Variants in SPTA1 observed in about 807,000 individuals in gnomAD.
The protein encoded by SPTA1 is spectrin alpha, erythrocytic 1.
SPTA1 carries 177 observed loss-of-function variants against 324.7 expected under a neutral mutation model. The observed-to-expected ratio is 0.55, with a 90% CI of 0.48 to 0.62. The LOEUF (loss-of-function observed/expected upper bound fraction) is 0.62, where lower values mean the gene tolerates loss of function less well. Among genes scored for constraint, SPTA1 ranks in the 20% least tolerant of loss-of-function variants. The pLI, the probability that SPTA1 is intolerant of heterozygous loss-of-function variation, is 0.00. For missense variants in SPTA1, 3,162 were observed against 2,883.6 expected (o/e 1.10, Z -2.21); for synonymous variants, 1,195 against 1,041.3 (o/e 1.15, Z -2.84).
At chr1:158,674,290 T>C (rs367881988) in intron 10 of SPTA1, 39 bp downstream of exon 10, 1 of 1,560,856 alleles carries the variant, frequency 6.4e-7, no homozygotes, top group Non-Finnish European at 8.8e-7. Flanking sequence ...TGACTACATA[T>C]ATAATTGGAA....
At chr1:158,614,512 A>C in intron 48 of SPTA1, 1 of 505,318 alleles carries the variant, frequency 2.0e-6, no homozygotes. Context: ...TAGATTTTAC[A>C]TTTTCATATG....
At position 158,639,983 on chromosome 1, in the gene SPTA1, G is replaced by C. The variant is rs1651420060; in HGVS notation, c.4762C>G (p.His1588Asp). ...MKEQLEQLKE[H>D]WDHLLERTND... ...GTTCTCTCAAGCAGATGATCCCAAT[G>C]TTCCTTCAGCTGTTCCAGTTGCTCC... is the stretch of plus-strand genomic sequence containing the variant. Residue 1588 changes from histidine (H) to aspartate (D), a missense_variant, in exon 34 of 52, where the codon CAT becomes GAT. Transcript: ENST00000643759. 6.2e-7 allele frequency: 1 copy of C among 1,613,670 alleles called. No homozygotes were observed. The highest frequency in any genetic ancestry group is 8.5e-7 in the Non-Finnish European group (1 of 1,179,868).
chr1:158,669,871 G>T, intron 12 of SPTA1, 85 bp from the exon 13 acceptor site: 1 of 1,313,886 alleles, frequency 7.6e-7, no homozygotes, highest in Non-Finnish European at 1.1e-6. Context: ...GTTTAAAGAT[G>T]AAGAACAGCA....
rs1459300263 is a variant in SPTA1, at chr1:158,651,368, T to C, written c.3476A>G (p.Gln1159Arg). ...LLTPEGAQIR[Q>R]ELNSRWGSLQ... ...AGGAATGGAGGGAGCCTTAGTTACC[T>C]GCCGGATTTGAGCTCCTTCTGGTGT... Residue 1159 changes from glutamine (Q) to arginine (R), a missense_variant and splice_region_variant, in exon 24 of 52, where the codon CAG becomes CGG. Physicochemically the swap from Gln to Arg is conservative, Grantham distance 43 (BLOSUM62 1). Coordinates refer to ENST00000643759, the MANE Select transcript of SPTA1 (RefSeq NM_003126.4). 5.0e-6 allele frequency: 8 copies of C among 1,611,202 alleles called. No individual in the cohort carries two copies. Among genetic ancestry groups the C allele is most frequent in the Non-Finnish European group, 6.8e-6 (8 of 1,177,384 alleles).
rs1267632712 is a variant in SPTA1 at position 158,639,646 on chromosome 1, A to C, written c.4916T>G (p.Leu1639Trp). ...CTTGAGTAGGTTTCCTGCTGAAGCC[A>C]AGTCCCTGGCCTGATCTTTCATGGC... Reference protein sequence around the residue: ...LLAMKDQARDLASAGNLLKKH... With the variant: ...LLAMKDQARDWASAGNLLKKH... Residue 1639 changes from leucine to tryptophan, a missense_variant, in exon 35 of 52, where the codon TTG becomes TGG. Transcript: ENST00000643759. The C allele has an allele frequency of 4.3e-6, 7 of 1,613,804 alleles. No homozygotes were observed. In the South Asian group the frequency reaches 7.7e-5, roughly 18 times the overall value.
chr1:158,619,218 A>C lies in SPTA1; in HGVS notation c.6530+4T>G. The C allele has an allele frequency of 6.2e-7, 1 of 1,613,370 alleles. No homozygotes were observed. On this transcript the variant is annotated splice_donor_region_variant and intron_variant, in intron 45 of 51. Coordinates refer to ENST00000643759, the MANE Select transcript of SPTA1 (RefSeq NM_003126.4). ...GTCATGGTTTGGGATGTAGCATAGC[A>C]CACCTGGTTTCCAGGATCCATTGAA...
intron 2 of SPTA1, 147 bp from the exon 3 acceptor site, chr1:158,683,643 A>T (rs1654966543): frequency 9.6e-7 from 1 of 1,042,098 alleles, no homozygotes; most frequent in Non-Finnish European, 1.4e-6. Context: ...CACTGGCTTT[A>T]GGAAGTTTTC....
chr1:158,669,708 C>A lies in SPTA1; in HGVS notation c.1677+1G>T, dbSNP rs1653872984. 6.2e-7 allele frequency: 1 copy of A among 1,614,004 alleles called. No individual in the cohort carries two copies. Among genetic ancestry groups the A allele is most frequent in the Non-Finnish European group, 8.5e-7 (1 of 1,180,004 alleles). The stretch of plus-strand genomic sequence containing the variant: ...CAGAAGCTCTAGGCCCTTGGACATA[C>A]CCCGTCACGGATAGCCTTGATGTTC... On this transcript the variant is annotated splice_donor_variant, in intron 13 of 51. Transcript: ENST00000643759. LOFTEE classifies it high-confidence loss of function.
intron 20 of SPTA1, among the ~76,000 whole-genome samples, chr1:158,655,372 T>A (rs986664488): frequency 6.6e-6 from 1 of 152,086 alleles, no homozygotes; most frequent in Non-Finnish European, 1.5e-5. Context: ...TTTTACTTTC[T>A]GCCAATTTCA....
At chr1:158,621,442 G>A (rs1649906816) in intron 43 of SPTA1, among the ~76,000 whole-genome samples, 2 of 152,030 alleles carry the variant, frequency 1.3e-5, no homozygotes, top group Admixed American at 6.6e-5. Flanking sequence ...GATCAATACA[G>A]AGAAAATTAA....
chr1:158,651,570 C>T (rs766988068), intron 23 of SPTA1, 102 bp from the exon 24 acceptor site: 1 of 809,840 alleles, frequency 1.2e-6, no homozygotes, highest in Non-Finnish European at 2.2e-6. Context: ...TCTGCCCCTA[C>T]ATCACCGTAA....
chr1:158,626,966 C>A lies in SPTA1; in HGVS notation c.5706G>T (p.Lys1902Asn). The change falls in exon 41 of 52, where the codon AAG (lysine) becomes AAT (asparagine). Residue 1902 changes from lysine to asparagine, a missense_variant. Lys to Asn is a moderately conservative substitution (Grantham distance 94, BLOSUM62 0). Coordinates refer to ENST00000643759, the MANE Select transcript of SPTA1 (RefSeq NM_003126.4). Reference sequence around the variant, plus strand: ...GGGTCTTTTCATTCAGAGCCTCTATCTTGGAAGAAATCTCTTTGTTCTGAC... The same window carrying A: ...GGGTCTTTTCATTCAGAGCCTCTATATTGGAAGAAATCTCTTTGTTCTGAC... ...EESQNKEISS[K>N]IEALNEKTPS... is the part of the protein sequence containing the mutation. 6.2e-7 allele frequency: 1 copy of A among 1,613,864 alleles called. No individual in the cohort carries two copies. The highest frequency in any genetic ancestry group is 8.5e-7 in the Non-Finnish European group (1 of 1,179,810).
intron 16 of SPTA1, among the ~76,000 whole-genome samples, chr1:158,665,982 C>G (rs1469624036): frequency 1.3e-5 from 2 of 151,972 alleles, no homozygotes; most frequent in Non-Finnish European, 2.9e-5. Flanking sequence ...TCAATAAAGC[C>G]TTACACTAAC....
chr1:158,674,514 CCTA>C (rs776068498), intron 9 of SPTA1, 23 bp downstream of exon 9: 1 of 1,614,086 alleles, frequency 6.2e-7, no homozygotes, highest in South Asian at 1.1e-5. Flanking sequence ...GCCCCCTCCT[CCTA>C]CTGGGCAGCC....
chr1:158,672,164 C>G lies in SPTA1; in HGVS notation c.1383G>C (p.Leu461=). The G allele has an allele frequency of 6.2e-7, 1 of 1,614,018 alleles. No individual in the cohort carries two copies. The highest frequency in any genetic ancestry group is 8.5e-7 in the Non-Finnish European group (1 of 1,179,962). The change falls in exon 11 of 52, where the codon CTG becomes CTC. Residue 461 remains leucine, a synonymous_variant. Transcript: ENST00000643759. ...GATGACGCTCGTCCCACAGTTCCAGCAGGGCAGTCCAGTTGTTGTCAAGTA... is the reference window on the plus strand; with the variant it reads ...GATGACGCTCGTCCCACAGTTCCAGGAGGGCAGTCCAGTTGTTGTCAAGTA... ...MEILDNNWTA[L]LELWDERHRQ...
intron 42 of SPTA1, among the ~76,000 whole-genome samples, chr1:158,623,851 C>T (rs1347540386): frequency 2.0e-5 from 3 of 152,168 alleles, no homozygotes. Flanking sequence ...GTGGAAGTGA[C>T]TTTGGAACCG....
intron 16 of SPTA1, 97 bp downstream of exon 16, chr1:158,666,215 TTAAG>T (rs1408475520): frequency 8.5e-7 from 1 of 1,177,060 alleles, no homozygotes; most frequent in Non-Finnish European, 1.2e-6. Flanking sequence ...TTATTACTTA[TTAAG>T]TAATTAATAA....
intron 11 of SPTA1, among the ~76,000 whole-genome samples, chr1:158,671,817 T>C (rs1316168005): frequency 6.6e-6 from 1 of 152,204 alleles, no homozygotes; most frequent in African/African-American, 2.4e-5. Flanking sequence ...TATTTTGCCT[T>C]ATTTCAATTG....
In SPTA1 at chr1:158,666,308, C is replaced by A; in HGVS notation, c.2220+8G>T. On this transcript the variant is annotated splice_region_variant and intron_variant, in intron 16 of 51. Coordinates refer to ENST00000643759, the MANE Select transcript of SPTA1 (RefSeq NM_003126.4). ...TGCTTATGGCTGGCCAAAGAGCTAACAACAAACCTGACGAGCAGCCACAGC... is the reference window on the plus strand; with the variant it reads ...TGCTTATGGCTGGCCAAAGAGCTAAAAACAAACCTGACGAGCAGCCACAGC... 1 of 1,613,010 alleles carries A rather than the reference C, an allele frequency of 6.2e-7. No individual in the cohort carries two copies. Among genetic ancestry groups the A allele is most frequent in the Non-Finnish European group, 8.5e-7 (1 of 1,179,904 alleles).
Sources: gnomAD v4.1 joint callset for allele counts (sites outside exome capture counted in the v4.1 genomes callset) on GRCh38, gnomAD v4.1.1 for gene constraint, MANE v1.5 for transcripts, NCBI Gene and HGNC (gene_info 2026-07-23, HGNC 2026-07-21) for gene names.